ZNF711: variants seen among roughly 807,000 people sequenced by gnomAD.
The protein encoded by ZNF711 is zinc finger protein 711.
In ZNF711, 3 loss-of-function variants were observed where a neutral mutation model predicts 43.5. That is an observed-to-expected ratio of 0.07 (90% CI 0.03 to 0.18). ZNF711 has a LOEUF of 0.18. Among genes scored for constraint, ZNF711 ranks in the 10% least tolerant of loss-of-function variants. The probability of loss-of-function intolerance (pLI) is 1.00; values close to 1 mark genes in which losing one functional copy is unlikely to be tolerated. For synonymous variants in ZNF711, 209 were observed against 207.7 expected, an observed-to-expected ratio of 1.01 and a Z score of -0.06; for missense variants, 412 against 604.0, an observed-to-expected ratio of 0.68 and a Z score of 3.33.
chrX:85,254,240 CGGGTG>C (rs1407093164), intron 4 of ZNF711, among the ~76,000 whole-genome samples: 1 of 110,064 alleles, frequency 9.1e-6, no homozygotes, highest in East Asian at 2.8e-4. Flanking sequence ...CGCCAAACTA[CGGGTG>C]GATCACGAGG....
chrX:85,272,119 T>C lies in ZNF711; in HGVS notation c.*291T>C, dbSNP rs1370064495. The C allele has an allele frequency of 3.9e-6, 1 of 259,401 alleles. No individual in the cohort carries two copies. The allele number at this position is 259,401 out of a possible 1,213,427, so 21.4% of individuals were successfully genotyped here. A position where few individuals can be genotyped will look rare whatever the true frequency, so the allele number is the denominator to read the frequency against. ...TACAGAGGGGAAAAGCAAAGACAAATACTTTATTTGGCTGATTATGTTAGA... is the reference window on the plus strand; with the variant it reads ...TACAGAGGGGAAAAGCAAAGACAAACACTTTATTTGGCTGATTATGTTAGA... On this transcript the variant is annotated 3_prime_UTR_variant, in exon 11 of 11. Transcript: ENST00000674551.
At chrX:85,270,532 A>T in intron 10 of ZNF711, 119 bp from the exon 11 acceptor site, 1 of 629,005 alleles carries the variant, frequency 1.6e-6, no homozygotes, top group Admixed American at 3.1e-5. Context: ...ATATTACAGG[A>T]TTTCATTCAA....
At chrX:85,260,799 G>T (rs772728644) in intron 5 of ZNF711, among the ~76,000 whole-genome samples, 9 of 110,520 alleles carry the variant, frequency 8.1e-5, no homozygotes, top group Non-Finnish European at 1.1e-4. Flanking sequence ...GGGGTTAAGG[G>T]TGCTGAACCC....
intron 5 of ZNF711, among the ~76,000 whole-genome samples, chrX:85,261,615 G>C (rs200312267): frequency 9.0e-6 from 1 of 111,248 alleles, no homozygotes. Context: ...TTTTAAAAAG[G>C]AATGTTATAT....
intron 4 of ZNF711, among the ~76,000 whole-genome samples, chrX:85,251,639 A>G (rs1356557626): frequency 9.0e-6 from 1 of 111,158 alleles, no homozygotes; most frequent in East Asian, 2.8e-4. Context: ...ATTGTTTATA[A>G]TTTTCTAAGC....
chrX:85,253,764 GACACACACACACAC>G (rs756155292), intron 4 of ZNF711, among the ~76,000 whole-genome samples: 60 of 90,534 alleles, frequency 6.6e-4, no homozygotes, highest in African/African-American at 1.3e-3. Flanking sequence ...TGTGTTCACA[GACACACACACACAC>G]ACACACACAC....
At chrX:85,269,863 G>T (rs1931425983) in intron 9 of ZNF711, 140 bp from the exon 10 acceptor site, 2 of 559,169 alleles carry the variant, frequency 3.6e-6, no homozygotes, top group African/African-American at 2.3e-5. Flanking sequence ...GAGAGAAAGA[G>T]AATCATAAGA....
intron 5 of ZNF711, among the ~76,000 whole-genome samples, chrX:85,261,856 CT>C (rs1930678404): frequency 9.0e-6 from 1 of 110,573 alleles, no homozygotes; most frequent in Non-Finnish European, 1.9e-5. Context: ...AACATTTAAG[CT>C]TGAATTTAAG....
chrX:85,254,885 C>A (rs1929980071), intron 4 of ZNF711, among the ~76,000 whole-genome samples: 1 of 111,032 alleles, frequency 9.0e-6, no homozygotes, highest in Admixed American at 9.6e-5. Context: ...ACGTTTGCAC[C>A]AATAACGTTT....
intron 8 of ZNF711, 120 bp downstream of exon 8, chrX:85,267,535 C>T: frequency 2.0e-6 from 1 of 512,013 alleles, no homozygotes; most frequent in Admixed American, 5.6e-5. Flanking sequence ...AAATGTTTTA[C>T]ACTGTGGACT....
At chrX:85,263,925 C>T (rs923283052) in intron 5 of ZNF711, among the ~76,000 whole-genome samples, 5 of 109,950 alleles carry the variant, frequency 4.5e-5, no homozygotes, top group African/African-American at 1.6e-4. Flanking sequence ...ATTTATGTTG[C>T]ACAGGTACAG....
rs1243953949 is a variant in ZNF711 at position 85,271,446 on chromosome X, A to G, written c.2042A>G (p.Lys681Arg). 3.3e-6 allele frequency: 4 copies of G among 1,211,385 alleles called. No individual in the cohort carries two copies. Among genetic ancestry groups the G allele is most frequent in the Admixed American group, 2.2e-5 (1 of 45,925 alleles). Residue 681 changes from lysine (K) to arginine (R), a missense_variant, in exon 11 of 11, where the codon AAA becomes AGA. This residue lies in a region of ZNF711 where 375 missense variants were observed against 514.2 expected (regional missense o/e 0.73). Coordinates refer to ENST00000674551, the MANE Select transcript of ZNF711 (RefSeq NM_001330574.2). Reference sequence around the variant, plus strand: ...GGTTTTCATCGTCCTTCTGAGCTCAAAAAGCATAGTGATATCCATAAGGGT... The same window carrying G: ...GGTTTTCATCGTCCTTCTGAGCTCAGAAAGCATAGTGATATCCATAAGGGT... ...DKGFHRPSELKKHSDIHKGRK... is the reference protein window; with the variant it reads ...DKGFHRPSELRKHSDIHKGRK...
At chrX:85,260,765 T>A (rs1930566958) in intron 5 of ZNF711, among the ~76,000 whole-genome samples, 1 of 110,547 alleles carries the variant, frequency 9.0e-6, no homozygotes, top group Non-Finnish European at 1.9e-5. Flanking sequence ...CATATATCAG[T>A]ACATTTGACC....
intron 5 of ZNF711, among the ~76,000 whole-genome samples, chrX:85,258,499 A>T (rs1253063299): frequency 9.1e-6 from 1 of 109,948 alleles, no homozygotes; most frequent in African/African-American, 3.3e-5. Flanking sequence ...ACCAAACACT[A>T]CCTATTCCCC....
intron 7 of ZNF711, 88 bp downstream of exon 7, chrX:85,265,343 A>G (rs2147857116): frequency 1.0e-6 from 1 of 995,082 alleles, no homozygotes; most frequent in South Asian, 2.0e-5. Context: ...ACTGTATAGG[A>G]ACAAAGTTCA....
In ZNF711 at chrX:85,270,724, C is replaced by T. The variant is rs756773387; in HGVS notation, c.1320C>T (p.Ser440=). The T allele has an allele frequency of 1.0e-5, 12 of 1,205,191 alleles. No homozygotes were observed. The Admixed American group carries it at 2.6e-4, about 27-fold the overall frequency. ...ATATTTGCACAAAAAAGTTTAAATC[C>T]AGGGGATTCTTAAAAAGACACATGA... is the stretch of plus-strand genomic sequence containing the variant. ...PCHICTKKFK[S]RGFLKRHMKN... is the part of the protein sequence containing the mutation. The change falls in exon 11 of 11, where the codon TCC becomes TCT. Residue 440 remains serine, a synonymous_variant. Transcript: ENST00000674551.
intron 5 of ZNF711, among the ~76,000 whole-genome samples, chrX:85,262,507 AACTT>A (rs1478661684): frequency 2.7e-5 from 3 of 110,168 alleles, no homozygotes; most frequent in Non-Finnish European, 5.7e-5. Flanking sequence ...TTTTTCTAAA[AACTT>A]ACTCATGATT....
chrX:85,270,250 T>C (rs889793239), intron 10 of ZNF711, 104 bp downstream of exon 10: 18 of 864,719 alleles, frequency 2.1e-5, no homozygotes, highest in Non-Finnish European at 2.9e-5. Flanking sequence ...CTACTCTCCA[T>C]GTACCTGTTT....
intron 4 of ZNF711, among the ~76,000 whole-genome samples, chrX:85,248,244 C>T (rs1246261653): frequency 1.9e-5 from 2 of 106,265 alleles, no homozygotes; most frequent in Admixed American, 1.0e-4. Context: ...CAAAGGCGGG[C>T]GGATCACGAG....
Sources: gnomAD v4.1 joint callset for allele counts (sites outside exome capture counted in the v4.1 genomes callset) on GRCh38, gnomAD v4.1.1 for gene constraint, gnomAD v4.1.1 regional missense constraint, MANE v1.5 for transcripts, NCBI Gene and HGNC (gene_info 2026-07-23, HGNC 2026-07-21) for gene names.